Variants in ZNF385D observed in about 807,000 individuals in gnomAD.
The protein encoded by ZNF385D is zinc finger protein 659.
In ZNF385D, 15 loss-of-function variants were observed where a neutral mutation model predicts 35.8. The observed-to-expected ratio is 0.42, with a 90% CI of 0.28 to 0.64. The LOEUF is 0.64. ZNF385D is among the 30% of genes least tolerant of loss of function. The pLI, the probability that ZNF385D is intolerant of heterozygous loss-of-function variation, is 0.23. For missense variants in ZNF385D, 474 were observed against 494.6 expected, an observed-to-expected ratio of 0.96 and a Z score of 0.39; for synonymous variants, 212 against 186.8, an observed-to-expected ratio of 1.13 and a Z score of -1.10.
intron 4 of ZNF385D, among the ~76,000 whole-genome samples, chr3:21,504,307 C>T (rs966352920): frequency 6.6e-6 from 1 of 151,950 alleles, no homozygotes; most frequent in Non-Finnish European, 1.5e-5. Context: ...GACTTGATGA[C>T]CTTTAATAAA....
intron 3 of ZNF385D, chr3:21,563,346 A>C (rs1007610393): frequency 1.3e-5 from 2 of 152,236 alleles, no homozygotes; most frequent in African/African-American, 4.8e-5. Context: ...TTTATAATCT[A>C]CTCAGTTTAT....
intron 3 of ZNF385D, among the ~76,000 whole-genome samples, chr3:21,919,569 C>T (rs575632644): frequency 2.6e-5 from 4 of 152,254 alleles, no homozygotes; most frequent in East Asian, 3.9e-4. Context: ...TTGCCACAGC[C>T]ACATTTCCAC....
At chr3:21,791,863 T>A (rs2071943474) in intron 3 of ZNF385D, among the ~76,000 whole-genome samples, 1 of 151,940 alleles carries the variant, frequency 6.6e-6, no homozygotes, top group South Asian at 2.1e-4. Context: ...GCCTCCCGAG[T>A]AGCTGGGATT....
intron 2 of ZNF385D, among the ~76,000 whole-genome samples, chr3:21,610,778 CA>C (rs71266438): frequency 8.3e-4 from 105 of 126,682 alleles, no homozygotes; most frequent in African/African-American, 1.3e-3. Flanking sequence ...CCGTCCCCCC[CA>C]AAAAAAAAAA....
rs571323644 is a variant in ZNF385D at position 21,528,914 on chromosome 3, A to G, written c.277-17891T>C. Reference sequence around the variant, plus strand: ...AAGCATCAAAGTGCTCTGAAAATCTACAAGTTCTATGGCCTTAAGAAAAAG... The same window carrying G: ...AAGCATCAAAGTGCTCTGAAAATCTGCAAGTTCTATGGCCTTAAGAAAAAG... On this transcript the variant is annotated intron_variant, in intron 3 of 7. Coordinates refer to ENST00000281523, the MANE Select transcript of ZNF385D (RefSeq NM_024697.3). 4.3e-4 allele frequency among the ~76,000 whole-genome samples: 65 copies of G among 152,332 alleles called. 2 individuals are homozygous for G. In the South Asian group the frequency reaches 0.013, roughly 31 times the overall value.
intron 1 of ZNF385D, among the ~76,000 whole-genome samples, chr3:21,735,529 C>A (rs1358511530): frequency 6.6e-6 from 1 of 152,010 alleles, no homozygotes; most frequent in Non-Finnish European, 1.5e-5. Flanking sequence ...ATATAAAATT[C>A]TTCTATTGGA....
At chr3:21,768,614 C>T (rs1166193084) in intron 3 of ZNF385D, among the ~76,000 whole-genome samples, 3 of 151,990 alleles carry the variant, frequency 2.0e-5, no homozygotes, top group Non-Finnish European at 4.4e-5. Context: ...AAATAAATTG[C>T]ACATAGCTCA....
chr3:21,769,963 A>C (rs969725113), intron 3 of ZNF385D, among the ~76,000 whole-genome samples: 9 of 152,058 alleles, frequency 5.9e-5, no homozygotes, highest in African/African-American at 9.7e-5. Context: ...CTTTGACAAA[A>C]CTGACAAAAA....
chr3:22,131,855 G>A (rs548097152), intron 3 of ZNF385D, among the ~76,000 whole-genome samples: 3 of 152,122 alleles, frequency 2.0e-5, no homozygotes, highest in African/African-American at 7.2e-5. Flanking sequence ...GTTGAGAGAA[G>A]GTATAAGTCA....
At chr3:22,157,252 T>C (rs1460292994) in intron 3 of ZNF385D, among the ~76,000 whole-genome samples, 1 of 152,164 alleles carries the variant, frequency 6.6e-6, no homozygotes, top group Non-Finnish European at 1.5e-5. Flanking sequence ...TGACTGTATC[T>C]AAATCATAAA....
intron 3 of ZNF385D, among the ~76,000 whole-genome samples, chr3:21,989,072 G>A (rs1228018766): frequency 1.3e-5 from 2 of 152,134 alleles, no homozygotes; most frequent in South Asian, 2.1e-4. Flanking sequence ...CTAGTGAGAT[G>A]AACCCGGTAC....
At chr3:22,150,149 A>C (rs893441963) in intron 3 of ZNF385D, among the ~76,000 whole-genome samples, 1 of 152,202 alleles carries the variant, frequency 6.6e-6, no homozygotes, top group Non-Finnish European at 1.5e-5. Flanking sequence ...GCCAGAAATA[A>C]TTAGAAAAGC....
intron 3 of ZNF385D, among the ~76,000 whole-genome samples, chr3:21,541,827 A>G (rs991854032): frequency 6.6e-6 from 1 of 152,196 alleles, no homozygotes; most frequent in African/African-American, 2.4e-5. Flanking sequence ...TTTGGTTTCT[A>G]TAAGTTTTGT....
rs779277619 is a variant in ZNF385D, at chr3:21,425,641, G to A, written c.703C>T (p.Arg235Trp). 6.3e-6 allele frequency: 10 copies of A among 1,593,924 alleles called. No homozygotes were observed. Among genetic ancestry groups the A allele is most frequent in the East Asian group, 2.3e-5 (1 of 43,964 alleles). ...GCTTTGATAGTGCCACTTCCATTCCGGGCTTCTAACATGGTTTTGTGCTTA... is the reference window on the plus strand; with the variant it reads ...GCTTTGATAGTGCCACTTCCATTCCAGGCTTCTAACATGGTTTTGTGCTTA... ...GTKHKTMLEA[R>W]NGSGTIKAFP... Residue 235 changes from arginine to tryptophan, a missense_variant, in exon 6 of 8, where the codon CGG (arginine) becomes TGG (tryptophan). Physicochemically the swap from Arg to Trp is moderately radical, Grantham distance 101. Coordinates refer to ENST00000281523, the MANE Select transcript of ZNF385D (RefSeq NM_024697.3).
intron 3 of ZNF385D, among the ~76,000 whole-genome samples, chr3:21,932,709 T>C (rs539191743): frequency 1.2e-3 from 182 of 152,092 alleles, no homozygotes; most frequent in African/African-American, 4.0e-3. Context: ...CTTGACTTTA[T>C]GGTTTCTCAA....
intron 2 of ZNF385D, among the ~76,000 whole-genome samples, chr3:21,636,737 GAC>G (rs1330083132): frequency 3.3e-5 from 5 of 151,834 alleles, no homozygotes; most frequent in Non-Finnish European, 7.4e-5. Flanking sequence ...CACCCTCGCA[GAC>G]ACACCCAGGA....
chr3:21,496,575 C>CATATATATATCAT (rs1553601803), intron 4 of ZNF385D, among the ~76,000 whole-genome samples: 2 of 140,044 alleles, frequency 1.4e-5, no homozygotes, highest in Non-Finnish European at 3.0e-5. Flanking sequence ...ATATATATAT[C>CATATATATATCAT]ATATATATAT....
chr3:22,182,726 GAACT>G (rs1032836343), intron 2 of ZNF385D, among the ~76,000 whole-genome samples: 1 of 151,984 alleles, frequency 6.6e-6, no homozygotes, highest in African/African-American at 2.4e-5. Flanking sequence ...TAAGTTTGTA[GAACT>G]AAGTCTAGAC....
rs1013112274 is a variant in ZNF385D, at chr3:22,118,621, G to A, written c.325+50196C>T. Among the ~76,000 whole-genome samples, 5 of 151,962 alleles carry A rather than the reference G, an allele frequency of 3.3e-5. 1 individual carries two copies. Among genetic ancestry groups the A allele is most frequent in the Non-Finnish European group, 1.5e-5 (1 of 67,976 alleles). ...TTTTTTTTCCCAATGATATCGGTAA[G>A]AGGTTAGGGAAATTCATTCATGTTG... is the stretch of plus-strand genomic sequence containing the variant. On this transcript the variant is annotated intron_variant, in intron 3 of 5. Coordinates refer to the ZNF385D transcript ENST00000494108.
Sources: gnomAD v4.1 joint callset for allele counts (sites outside exome capture counted in the v4.1 genomes callset) on GRCh38, gnomAD v4.1.1 for gene constraint, MANE v1.5 for transcripts, NCBI Gene and HGNC (gene_info 2026-07-23, HGNC 2026-07-21) for gene names.